FEV: variants seen among roughly 807,000 people sequenced by gnomAD.
FEV encodes FEV transcription factor, ETS family member.
Under a neutral mutation model 20.5 loss-of-function variants are expected in FEV, and 14 were observed. That is an observed-to-expected ratio of 0.68 (90% confidence interval 0.45 to 1.07). The LOEUF (loss-of-function observed/expected upper bound fraction) is 1.07. FEV is among the 50% of genes least tolerant of loss of function. FEV has a pLI of 0.00. For synonymous variants in FEV, 188 were observed against 163.7 expected, an observed-to-expected ratio of 1.15 and a Z score of -1.13; for missense variants, 301 against 345.3, an observed-to-expected ratio of 0.87 and a Z score of 1.02.
In FEV at chr2:218,981,926, G is replaced by A. The variant is rs575351845; in HGVS notation, c.458C>T (p.Ala153Val). Residue 153 changes from alanine to valine, a missense_variant, in exon 3 of 3, where the codon GCG becomes GTG. Physicochemically the swap from Ala to Val is moderately conservative, Grantham distance 64. Transcript: ENST00000295727. The surrounding 1 kb of genome is among the most constrained non-coding windows in gnomAD (Gnocchi z 4.5). ...GTAGAGCGCGCCGTCCTGGGCGGCC[G>A]CGGCGGCGGCAGCAGCTGCGGCGGC... ...HAAAAAAAAA[A>V]AAQDGALYKL... The A allele has an allele frequency of 4.6e-5, 61 of 1,314,408 alleles. No homozygotes were observed. In the African/African-American group the frequency reaches 8.6e-4, roughly 18 times the overall value. The allele number at this position is 1,314,408 out of a possible 1,614,324, so 81.4% of individuals were successfully genotyped here.
Position 218,982,098 on chromosome 2 carries a change from T to C in FEV, c.286A>G (p.Met96Val). The C allele has an allele frequency of 6.2e-7, 1 of 1,613,846 alleles. No homozygotes were observed. Among genetic ancestry groups the C allele is most frequent in the Non-Finnish European group, 8.5e-7 (1 of 1,179,872 alleles). The stretch of plus-strand genomic sequence containing the variant: ...GCGCGGCTCAGCTTGTCGTAGTTCA[T>C]GTTGGGCTTGCTCTTGCGCTCGCCC... Reference protein sequence around the residue: ...RWGERKSKPNMNYDKLSRALR... With the variant: ...RWGERKSKPNVNYDKLSRALR... Residue 96 changes from methionine to valine, a missense_variant, in exon 3 of 3, where the codon ATG becomes GTG. Met to Val is a conservative substitution (Grantham distance 21). Coordinates refer to ENST00000295727, the MANE Select transcript of FEV (RefSeq NM_017521.3).
chr2:218,983,969 G>C (rs759179821), intron 2 of FEV, among the ~76,000 whole-genome samples: 33 of 152,216 alleles, frequency 2.2e-4, no homozygotes, highest in Non-Finnish European at 4.3e-4. Context: ...CTGCCCCAAA[G>C]CCTGGAAAAC....
Position 218,984,473 on chromosome 2 carries a change from G to A in FEV, c.53-168C>T. 1.7e-6 allele frequency: 1 copy of A among 596,810 alleles called. No homozygotes were observed. The highest frequency in any genetic ancestry group is 2.9e-6 in the Non-Finnish European group (1 of 342,328). 37.0% of individuals were successfully genotyped at this position (596,810 alleles called of 1,614,324 possible). ...CCGGAGCCTGGTCCAGGCGCGCTGC[G>A]CGGAGCCCCTCCATAGAGCCCAAGT... is the stretch of plus-strand genomic sequence containing the variant. On this transcript the variant is annotated intron_variant, in intron 1 of 2. Transcript: ENST00000295727. This position sits in a 1 kb window ranked among gnomAD's most constrained non-coding sequence, Gnocchi z 5.0.
Position 218,981,868 on chromosome 2 carries a change from G to A in FEV, c.516C>T (p.Phe172=), listed in dbSNP as rs1376604035. 1 of 1,238,810 alleles carries A rather than the reference G, an allele frequency of 8.1e-7. No homozygotes were observed. Among genetic ancestry groups the A allele is most frequent in the African/African-American group, 1.6e-5 (1 of 63,570 alleles). 76.7% of individuals were successfully genotyped at this position (1,238,810 alleles called of 1,614,324 possible). A position where few individuals can be genotyped will look rare whatever the true frequency, so the allele number is the denominator to read the frequency against. Residue 172 remains phenylalanine, a synonymous_variant, in exon 3 of 3, where the codon TTC becomes TTT. Coordinates refer to ENST00000295727, the MANE Select transcript of FEV (RefSeq NM_017521.3). The surrounding 1 kb of genome is among the most constrained non-coding windows in gnomAD (Gnocchi z 4.5). The part of the protein sequence containing the change: ...KLPAGLAPLP[F]PGLSKLNLMA... ...TGAGGTTGAGTTTGGAGAGGCCGGG[G>A]AAGGGCAGCGGGGCGAGGCCGGCGG...
chr2:218,984,992 G>A lies in FEV; in HGVS notation c.52+32C>T. 6.5e-7 allele frequency: 1 copy of A among 1,544,954 alleles called. No homozygotes were observed. The highest frequency in any genetic ancestry group is 8.8e-7 in the Non-Finnish European group (1 of 1,141,636). ...GCCTAGACTTCCCGCCCCAGGTTCC[G>A]GTGCCACCAGCCTCCGGCTGGTCCC... On this transcript the variant is annotated intron_variant, in intron 1 of 2. Coordinates refer to ENST00000295727, the MANE Select transcript of FEV (RefSeq NM_017521.3). This position sits in a 1 kb window ranked among gnomAD's most constrained non-coding sequence, Gnocchi z 5.0.
chr2:218,981,327 G>T lies in FEV; in HGVS notation c.*340C>A. On this transcript the variant is annotated 3_prime_UTR_variant, in exon 3 of 3. Coordinates refer to ENST00000295727, the MANE Select transcript of FEV (RefSeq NM_017521.3). This position sits in a 1 kb window ranked among gnomAD's most constrained non-coding sequence, Gnocchi z 4.5. ...GCACTCGTTAAAGAGTAGTGATATT[G>T]AATGGGGCTTCTAGGAGCCAGGCGG... 1 of 277,996 alleles carries T rather than the reference G, an allele frequency of 3.6e-6. No individual in the cohort carries two copies. The highest frequency in any genetic ancestry group is 5.4e-5 in the East Asian group (1 of 18,552). The allele number at this position is 277,996 out of a possible 1,614,324, so 17.2% of individuals were successfully genotyped here. A position where few individuals can be genotyped will look rare whatever the true frequency, so the allele number is the denominator to read the frequency against.
In FEV at chr2:218,981,980, C is replaced by T. The variant is rs1415177712; in HGVS notation, c.404G>A (p.Cys135Tyr). The T allele has an allele frequency of 1.3e-6, 2 of 1,580,084 alleles. No individual in the cohort carries two copies. The highest frequency in any genetic ancestry group is 1.1e-5 in the South Asian group (1 of 87,364). ...RFDFQGLAQA[C>Y]QPPPAHAHAA... ...ATGAGCGTGCGCGGGCGGCGGCTGGCAGGCCTGCGCCAGGCCCTGGAAGTC... is the reference window on the plus strand; with the variant it reads ...ATGAGCGTGCGCGGGCGGCGGCTGGTAGGCCTGCGCCAGGCCCTGGAAGTC... The change falls in exon 3 of 3, where the codon TGC (cysteine) becomes TAC (tyrosine). Residue 135 changes from cysteine to tyrosine, a missense_variant. Transcript: ENST00000295727. This position sits in a 1 kb window ranked among gnomAD's most constrained non-coding sequence, Gnocchi z 4.5.
In FEV at chr2:218,985,147, G is replaced by GGCACC; in HGVS notation, c.-77_-73dup. 3 of 1,208,500 alleles carry GGCACC rather than the reference G, an allele frequency of 2.5e-6. No individual in the cohort carries two copies. The South Asian group carries it at 4.6e-5, about 19-fold the overall frequency. 74.9% of individuals were successfully genotyped at this position (1,208,500 alleles called of 1,614,324 possible). On this transcript the variant is annotated 5_prime_UTR_variant, in exon 1 of 3. Transcript: ENST00000295727. The stretch of plus-strand genomic sequence containing the variant: ...GGGCGAGGCAGGCTTTGCGCTCGGT[G>GGCACC]GCACCGATCCCCGCCCGAAGCGACC...
rs150412054 is a variant in FEV, at chr2:218,984,919, G to C, written c.52+105C>G. On this transcript the variant is annotated intron_variant, in intron 1 of 2. Coordinates refer to ENST00000295727, the MANE Select transcript of FEV (RefSeq NM_017521.3). This position sits in a 1 kb window ranked among gnomAD's most constrained non-coding sequence, Gnocchi z 5.0. ...GGCCCTCCATGCAACCCGAATCTCC[G>C]GACACTTCTCCTTCCCCTGGACCCC... 3.2e-4 allele frequency: 343 copies of C among 1,071,124 alleles called. 1 individual carries two copies. The highest frequency in any genetic ancestry group is 5.8e-4 in the South Asian group (43 of 73,618). 66.4% of individuals were successfully genotyped at this position (1,071,124 alleles called of 1,614,324 possible). A position where few individuals can be genotyped will look rare whatever the true frequency, so the allele number is the denominator to read the frequency against.
In FEV at chr2:218,984,891, A is replaced by G. The variant is rs527883144; in HGVS notation, c.52+133T>C. 2 of 810,116 alleles carry G rather than the reference A, an allele frequency of 2.5e-6. No homozygotes were observed. Among genetic ancestry groups the G allele is most frequent in the Admixed American group, 2.1e-5 (1 of 48,082 alleles). 50.2% of individuals were successfully genotyped at this position (810,116 alleles called of 1,614,324 possible). A position where few individuals can be genotyped will look rare whatever the true frequency, so the allele number is the denominator to read the frequency against. On this transcript the variant is annotated intron_variant, in intron 1 of 2. Transcript: ENST00000295727. This position sits in a 1 kb window ranked among gnomAD's most constrained non-coding sequence, Gnocchi z 5.0. ...GGTCTCCCCAGTGCCCTACATTACA[A>G]TCGGCCCTCCATGCAACCCGAATCT...
rs1028971914 is a variant in FEV, at chr2:218,981,906, G to A, written c.478C>T (p.Leu160Phe). The change falls in exon 3 of 3, where the codon CTC (leucine) becomes TTC (phenylalanine). Residue 160 changes from leucine to phenylalanine, a missense_variant. Leu to Phe is a conservative substitution (Grantham distance 22). Coordinates refer to ENST00000295727, the MANE Select transcript of FEV (RefSeq NM_017521.3). The surrounding 1 kb of genome is among the most constrained non-coding windows in gnomAD (Gnocchi z 4.5). ...AAAAAAQDGALYKLPAGLAPL... is the reference protein window; with the variant it reads ...AAAAAAQDGAFYKLPAGLAPL... Reference sequence around the variant, plus strand: ...GCGAGGCCGGCGGGCAGCTTGTAGAGCGCGCCGTCCTGGGCGGCCGCGGCG... The same window carrying A: ...GCGAGGCCGGCGGGCAGCTTGTAGAACGCGCCGTCCTGGGCGGCCGCGGCG... 4.0e-6 allele frequency: 5 copies of A among 1,257,812 alleles called. No individual in the cohort carries two copies. The highest frequency in any genetic ancestry group is 4.0e-6 in the Non-Finnish European group (4 of 1,005,994). 77.9% of individuals were successfully genotyped at this position (1,257,812 alleles called of 1,614,324 possible).
chr2:218,985,103 T>TG lies in FEV; in HGVS notation c.-29dup, dbSNP rs1217003670. ...CCGCCGGGGACTGGGCGGTGGGAGATGGGGGGGACGGGGAAGGGGGGCGAG... is the reference window on the plus strand; with the variant it reads ...CCGCCGGGGACTGGGCGGTGGGAGATGGGGGGGGACGGGGAAGGGGGGCGAG... On this transcript the variant is annotated 5_prime_UTR_variant, in exon 1 of 3. Coordinates refer to ENST00000295727, the MANE Select transcript of FEV (RefSeq NM_017521.3). 2.2e-5 allele frequency: 29 copies of TG among 1,343,966 alleles called. No individual in the cohort carries two copies. The highest frequency in any genetic ancestry group is 1.9e-4 in the Middle Eastern group (1 of 5,326). The allele number at this position is 1,343,966 out of a possible 1,614,324, so 83.3% of individuals were successfully genotyped here. A position where few individuals can be genotyped will look rare whatever the true frequency, so the allele number is the denominator to read the frequency against.
intron 2 of FEV, 139 bp from the exon 3 acceptor site, chr2:218,982,395 C>T (rs1175429201): frequency 2.5e-6 from 2 of 789,008 alleles, no homozygotes; most frequent in Non-Finnish European, 4.0e-6. Flanking sequence ...CAGCTGCGTT[C>T]GGCGGGAGAG....
Position 218,985,143 on chromosome 2 carries a change from C to T in FEV, c.-68G>A. ...AGGGGGGCGAGGCAGGCTTTGCGCTCGGTGGCACCGATCCCCGCCCGAAGC... is the reference window on the plus strand; with the variant it reads ...AGGGGGGCGAGGCAGGCTTTGCGCTTGGTGGCACCGATCCCCGCCCGAAGC... On this transcript the variant is annotated 5_prime_UTR_variant, in exon 1 of 3. Coordinates refer to ENST00000295727, the MANE Select transcript of FEV (RefSeq NM_017521.3). 1 of 1,230,724 alleles carries T rather than the reference C, an allele frequency of 8.1e-7. No homozygotes were observed. The highest frequency in any genetic ancestry group is 1.1e-6 in the Non-Finnish European group (1 of 901,970). The allele number at this position is 1,230,724 out of a possible 1,614,324, so 76.2% of individuals were successfully genotyped here.
rs1290569539 is a variant in FEV, at chr2:218,981,998, T to C, written c.386A>G (p.Gln129Arg). The C allele has an allele frequency of 8.1e-6, 13 of 1,610,782 alleles. No homozygotes were observed. In the East Asian group the frequency reaches 1.1e-4, roughly 14 times the overall value. The change falls in exon 3 of 3, where the codon CAG becomes CGG. Residue 129 changes from glutamine to arginine, a missense_variant. Gln to Arg is a conservative substitution (Grantham distance 43). Coordinates refer to ENST00000295727, the MANE Select transcript of FEV (RefSeq NM_017521.3). This position sits in a 1 kb window ranked among gnomAD's most constrained non-coding sequence, Gnocchi z 4.5. ...GKRYAYRFDFQGLAQACQPPP... is the reference protein window; with the variant it reads ...GKRYAYRFDFRGLAQACQPPP... ...CGGCTGGCAGGCCTGCGCCAGGCCC[T>C]GGAAGTCGAAGCGGTAGGCGTAGCG...
Position 218,985,119 on chromosome 2 carries a change from G to T in FEV, c.-44C>A. ...GGTGGGAGATGGGGGGGACGGGGAA[G>T]GGGGGCGAGGCAGGCTTTGCGCTCG... On this transcript the variant is annotated 5_prime_UTR_variant, in exon 1 of 3. Coordinates refer to ENST00000295727, the MANE Select transcript of FEV (RefSeq NM_017521.3). 7.7e-7 allele frequency: 1 copy of T among 1,297,316 alleles called. No homozygotes were observed. The highest frequency in any genetic ancestry group is 1.0e-6 in the Non-Finnish European group (1 of 966,764). 80.4% of individuals were successfully genotyped at this position (1,297,316 alleles called of 1,614,324 possible). A position where few individuals can be genotyped will look rare whatever the true frequency, so the allele number is the denominator to read the frequency against.
chr2:218,981,724 C>G lies in FEV; in HGVS notation c.660G>C (p.Pro220=), dbSNP rs891815025. 7.5e-7 allele frequency: 1 copy of G among 1,332,874 alleles called. No homozygotes were observed. Among genetic ancestry groups the G allele is most frequent in the Non-Finnish European group, 9.5e-7 (1 of 1,048,532 alleles). The allele number at this position is 1,332,874 out of a possible 1,614,324, so 82.6% of individuals were successfully genotyped here. Residue 220 remains proline, a synonymous_variant, in exon 3 of 3, where the codon CCG becomes CCC. Coordinates refer to ENST00000295727, the MANE Select transcript of FEV (RefSeq NM_017521.3). The surrounding 1 kb of genome is among the most constrained non-coding windows in gnomAD (Gnocchi z 4.5). The part of the protein sequence containing the change: ...ALYPSPSLQP[P]PGPFGAVAAA... ...CGGCCACGGCCCCGAAGGGCCCGGG[C>G]GGGGGCTGCAAGCTGGGACTGGGGT...
chr2:218,981,679 GC>G lies in FEV; in HGVS notation c.704del (p.Gly235AlafsTer124), dbSNP rs141171754. Reference protein sequence around the residue: ...GAVAAASHLGGHYH With the variant: ...GAVAAASHLGXHYH Reference sequence around the variant, plus strand: ...CCGACCGCCCCGTCTAGTGGTAATGGCCCCCCAAGTGCGAGGCTGCGGCCAC... The same window carrying G: ...CCGACCGCCCCGTCTAGTGGTAATGGCCCCCAAGTGCGAGGCTGCGGCCAC... On this transcript the variant is annotated frameshift_variant, in exon 3 of 3. Coordinates refer to ENST00000295727, the MANE Select transcript of FEV (RefSeq NM_017521.3). LOFTEE classifies it high-confidence loss of function. The surrounding 1 kb of genome is among the most constrained non-coding windows in gnomAD (Gnocchi z 4.5). The G allele has an allele frequency of 3.7e-6, 5 of 1,338,960 alleles. No homozygotes were observed. The highest frequency in any genetic ancestry group is 3.8e-6 in the Non-Finnish European group (4 of 1,050,728). 82.9% of individuals were successfully genotyped at this position (1,338,960 alleles called of 1,614,324 possible). A position where few individuals can be genotyped will look rare whatever the true frequency, so the allele number is the denominator to read the frequency against.
chr2:218,984,393 G>A lies in FEV; in HGVS notation c.53-88C>T. ...GGGCCCCGGGCCAAGGCTTAAGGGG[G>A]GTGCTGTGGTCCCCAGGCGCGAGGC... On this transcript the variant is annotated intron_variant, in intron 1 of 2. Transcript: ENST00000295727. The surrounding 1 kb of genome is among the most constrained non-coding windows in gnomAD (Gnocchi z 5.0). The A allele has an allele frequency of 7.7e-7, 1 of 1,294,894 alleles. No homozygotes were observed. Among genetic ancestry groups the A allele is most frequent in the Non-Finnish European group, 1.1e-6 (1 of 947,732 alleles). 80.2% of individuals were successfully genotyped at this position (1,294,894 alleles called of 1,614,324 possible).
Sources: allele counts gnomAD v4.1 joint callset (sites outside exome capture counted in the v4.1 genomes callset), GRCh38; gene constraint gnomAD v4.1.1; non-coding constraint Gnocchi (gnomAD v3.1); transcripts MANE v1.5; gene names NCBI Gene and HGNC (gene_info 2026-07-23, HGNC 2026-07-21).